Variants in ADGRL2 observed in about 807,000 individuals in gnomAD.
ADGRL2 encodes calcium-independent alpha-latrotoxin receptor 2.
A neutral mutation model predicts 157.4 loss-of-function variants in ADGRL2; 44 were observed. That is an observed-to-expected ratio of 0.28 (90% CI 0.22 to 0.36). The LOEUF is 0.36. ADGRL2 is among the 10% of genes least tolerant of loss of function. The pLI, the probability that ADGRL2 is intolerant of heterozygous loss-of-function variation, is 1.00. For synonymous variants in ADGRL2, 585 were observed against 624.7 expected (o/e 0.94, Z 0.95); for missense variants, 1,510 against 1,768.9 (o/e 0.85, Z 2.63).
chr1:81,671,974 G>A (rs4650575), intron 3 of ADGRL2, among the ~76,000 whole-genome samples: 17,344 of 152,276 alleles, frequency 0.11, 1,113 homozygotes, highest in South Asian at 0.15. Flanking sequence ...AATAGTGTGT[G>A]TAAAAAGAAA....
intron 2 of ADGRL2, among the ~76,000 whole-genome samples, chr1:81,528,554 G>A (rs1387756853): frequency 2.7e-5 from 4 of 150,806 alleles, no homozygotes; most frequent in African/African-American, 9.8e-5. Context: ...GGCTGAGGCC[G>A]GAGAATGGCA....
intron 2 of ADGRL2, among the ~76,000 whole-genome samples, chr1:81,906,005 AACTTGTTGG>A (rs2094578498): frequency 6.8e-6 from 1 of 147,826 alleles, no homozygotes; most frequent in African/African-American, 2.5e-5. Context: ...AAAGTTTATG[AACTTGTTGG>A]GGAAGAAATA....
At chr1:81,869,282 A>C (rs1369431319) in intron 2 of ADGRL2, among the ~76,000 whole-genome samples, 2 of 152,010 alleles carry the variant, frequency 1.3e-5, no homozygotes, top group Non-Finnish European at 2.9e-5. Flanking sequence ...TTATTTTCAA[A>C]GACTGTCGAG....
At chr1:81,641,540 CA>C (rs1411168207) in intron 3 of ADGRL2, among the ~76,000 whole-genome samples, 27 of 152,074 alleles carry the variant, frequency 1.8e-4, no homozygotes, top group Admixed American at 1.8e-3. Context: ...GAAAATCCCC[CA>C]AAAAACTTAG....
intron 2 of ADGRL2, among the ~76,000 whole-genome samples, chr1:81,779,879 T>G (rs2086743633): frequency 6.6e-6 from 1 of 152,188 alleles, no homozygotes; most frequent in African/African-American, 2.4e-5. Flanking sequence ...GAAATGAAAT[T>G]ATCAGCAAGG....
At chr1:81,530,423 T>C (rs1285594287) in intron 2 of ADGRL2, among the ~76,000 whole-genome samples, 1 of 75,654 alleles carries the variant, frequency 1.3e-5, no homozygotes, top group Non-Finnish European at 2.4e-5. Flanking sequence ...CTCAGCTCAC[T>C]GCAACCTCCA....
chr1:81,609,180 C>T (rs1225462229), intron 3 of ADGRL2, among the ~76,000 whole-genome samples: 12 of 152,050 alleles, frequency 7.9e-5, no homozygotes, highest in Admixed American at 7.9e-4. Context: ...GCTAGAGTTA[C>T]AGCTGCGTGC....
intron 2 of ADGRL2, among the ~76,000 whole-genome samples, chr1:81,461,929 A>AG (rs2077937107): frequency 1.2e-4 from 3 of 24,334 alleles, no homozygotes; most frequent in Non-Finnish European, 3.0e-4. Flanking sequence ...GAAAAGAAGA[A>AG]AGGGGGGGGG....
Position 81,615,440 on chromosome 1 carries a change from A to C in ADGRL2, c.-143+34460A>C, listed in dbSNP as rs137940894. Among the ~76,000 whole-genome samples, 864 of 152,324 alleles carry C rather than the reference A, an allele frequency of 5.7e-3. 9 individuals are homozygous for C. Among genetic ancestry groups the C allele is most frequent in the African/African-American group, 0.019 (794 of 41,566 alleles). On this transcript the variant is annotated intron_variant, in intron 3 of 24. Coordinates refer to the ADGRL2 transcript ENST00000370721. ...TCTTTGGGTCTATGCGCCACCTTTA[A>C]GAGCTGTAACACTCACCGCGAAGGT...
chr1:81,879,924 G>T (rs1446758946), intron 2 of ADGRL2, among the ~76,000 whole-genome samples: 1 of 152,136 alleles, frequency 6.6e-6, no homozygotes, highest in Non-Finnish European at 1.5e-5. Flanking sequence ...CTACTCAGGT[G>T]GCTGAGGCAT....
At chr1:81,373,189 A>G (rs913365338) in intron 1 of ADGRL2, among the ~76,000 whole-genome samples, 1 of 152,158 alleles carries the variant, frequency 6.6e-6, no homozygotes, top group African/African-American at 2.4e-5. Context: ...TGTCCAATAA[A>G]TGTTGATAAC....
Position 81,986,949 on chromosome 1 carries a change from G to A in ADGRL2, c.3557G>A (p.Gly1186Asp). 1.2e-6 allele frequency: 2 copies of A among 1,610,922 alleles called. No homozygotes were observed. Among genetic ancestry groups the A allele is most frequent in the East Asian group, 2.2e-5 (1 of 44,784 alleles). Residue 1186 changes from glycine to aspartate, a missense_variant, in exon 22 of 24, where the codon GGC becomes GAC. By Grantham distance (94) the Gly-to-Asp change is moderately conservative. Transcript: ENST00000686636. ...ACAAACCCTCTTCTTCGACCCCACG[G>A]CACTAACAACCCCTATAACACATTG... Reference protein sequence around the residue: ...LLTNPLLRPHGTNNPYNTLLA... With the variant: ...LLTNPLLRPHDTNNPYNTLLA...
intron 6 of ADGRL2, among the ~76,000 whole-genome samples, chr1:81,946,946 C>A (rs1650074689): frequency 6.6e-6 from 1 of 152,112 alleles, no homozygotes; most frequent in Non-Finnish European, 1.5e-5. Flanking sequence ...TGGAGGAAAA[C>A]CCTGGTAATC....
rs2093666706 is a variant in ADGRL2 at position 81,870,627 on chromosome 1, T to A, written c.73+33570T>A. On this transcript the variant is annotated intron_variant, in intron 2 of 23. Transcript: ENST00000686636. ...ACACTACATTCTAAGTTGTCAGAGC[T>A]TAAAATGAAATTATTTTTTGCAGAC... is the stretch of plus-strand genomic sequence containing the variant. Among the ~76,000 whole-genome samples the A allele has an allele frequency of 3.3e-5, 5 of 152,230 alleles. No homozygotes were observed. In the South Asian group the frequency reaches 1.0e-3, roughly 32 times the overall value.
intron 3 of ADGRL2, among the ~76,000 whole-genome samples, chr1:81,910,130 C>T (rs1008761401): frequency 1.3e-5 from 2 of 151,808 alleles, no homozygotes; most frequent in Non-Finnish European, 2.9e-5. Context: ...ATCCCAGCTA[C>T]TTGGGAGGCT....
chr1:81,923,240 C>T (rs2095030215), intron 3 of ADGRL2, among the ~76,000 whole-genome samples: 1 of 152,118 alleles, frequency 6.6e-6, no homozygotes, highest in African/African-American at 2.4e-5. Context: ...ATTGTACAAA[C>T]ACATGAGACT....
chr1:81,863,530 G>T (rs1557798446), intron 2 of ADGRL2, among the ~76,000 whole-genome samples: 1 of 152,132 alleles, frequency 6.6e-6, no homozygotes, highest in Non-Finnish European at 1.5e-5. Context: ...AATAGCAGTG[G>T]CTCCCTCCTG....
chr1:81,800,728 G>A (rs1354674796), upstream of ADGRL2, among the ~76,000 whole-genome samples: 1 of 151,802 alleles, frequency 6.6e-6, no homozygotes, highest in Non-Finnish European at 1.5e-5. Context: ...TGGAGAGCGC[G>A]CGCCGGCGGA....
chr1:81,751,425 G>C (rs899752747), intron 1 of ADGRL2, among the ~76,000 whole-genome samples: 1 of 152,162 alleles, frequency 6.6e-6, no homozygotes, highest in African/African-American at 2.4e-5. Context: ...CCGCCAAAGA[G>C]AGGAAACCTG....
Sources: gnomAD v4.1 joint callset for allele counts (sites outside exome capture counted in the v4.1 genomes callset) on GRCh38, gnomAD v4.1.1 for gene constraint, MANE v1.5 for transcripts, NCBI Gene and HGNC (gene_info 2026-07-23, HGNC 2026-07-21) for gene names.